Variants in CRACD observed in about 807,000 individuals in gnomAD.
CRACD encodes the protein capping protein-inhibiting regulator of actin dynamics.
Under a neutral mutation model 106.8 loss-of-function variants are expected in CRACD, and 56 were observed. That is an observed-to-expected ratio of 0.52 (90% CI 0.42 to 0.66). The LOEUF is 0.66. Ranked by LOEUF, CRACD falls within the 30% of genes least tolerant of loss-of-function variation. CRACD has a pLI of 0.00. For missense variants in CRACD, 1,730 were observed against 1,623.2 expected, an observed-to-expected ratio of 1.07 and a Z score of -1.13; for synonymous variants, 754 against 670.8, an observed-to-expected ratio of 1.12 and a Z score of -1.92.
At chr4:56,057,836 T>TTTTTTTTTTTTTTTTA (rs1732138160) in intron 1 of CRACD, among the ~76,000 whole-genome samples, 1 of 64,468 alleles carries the variant, frequency 1.6e-5, no homozygotes, top group African/African-American at 1.3e-4. Flanking sequence ...TTTTTTTTTT[T>TTTTTTTTTTTTTTTTA]GAGACGGAGT....
Position 56,117,178 on chromosome 4 carries a change from G to A in CRACD, c.-335-62106G>A, listed in dbSNP as rs543402722. ...TGGGACTACAGGTGCCCGCCACCAC[G>A]CCTGGCTAATTTTTTTGTATTTTTA... On this transcript the variant is annotated intron_variant, in intron 1 of 10. Transcript: ENST00000682029. 1.4e-3 allele frequency among the ~76,000 whole-genome samples: 213 copies of A among 151,896 alleles called. 5 individuals are homozygous for A. The highest frequency in any genetic ancestry group is 0.013 in the East Asian group (67 of 5,164).
At chr4:56,159,912 G>A (rs1191542037) in intron 1 of CRACD, among the ~76,000 whole-genome samples, 1 of 151,596 alleles carries the variant, frequency 6.6e-6, no homozygotes, top group Admixed American at 6.6e-5. Flanking sequence ...CTCCTGAGTA[G>A]CTGGGATTAC....
chr4:56,255,995 G>A (rs529737580), intron 2 of CRACD, among the ~76,000 whole-genome samples: 1 of 152,292 alleles, frequency 6.6e-6, no homozygotes, highest in Non-Finnish European at 1.5e-5. Flanking sequence ...AAGGGTCCTG[G>A]CTGATAGGGA....
rs746510571 is a variant in CRACD, at chr4:56,328,387, G to A, written c.*583G>A. The A allele has an allele frequency of 9.6e-6, 5 of 518,766 alleles. No individual in the cohort carries two copies. The highest frequency in any genetic ancestry group is 5.8e-5 in the African/African-American group (3 of 51,956). The allele number at this position is 518,766 out of a possible 1,614,324, so 32.1% of individuals were successfully genotyped here. ...AGTTTTCATGAGTTTTCCCCACTCT[G>A]AAGCTGTAACCCAGAAGGCACATCC... On this transcript the variant is annotated 3_prime_UTR_variant, in exon 11 of 11. Coordinates refer to ENST00000682029, the MANE Select transcript of CRACD (RefSeq NM_001393381.1).
chr4:56,141,960 CTAGG>C (rs1735217371), intron 1 of CRACD, among the ~76,000 whole-genome samples: 1 of 152,042 alleles, frequency 6.6e-6, no homozygotes, highest in African/African-American at 2.4e-5. Flanking sequence ...TCCCAAAGTG[CTAGG>C]ATTATAGCCA....
intron 2 of CRACD, among the ~76,000 whole-genome samples, chr4:56,265,776 A>C (rs1408486752): frequency 1.3e-5 from 2 of 152,212 alleles, no homozygotes; most frequent in Non-Finnish European, 1.5e-5. Flanking sequence ...CTGGAGTAAG[A>C]CATTTATGAT....
At chr4:56,169,791 C>T (rs773233899) in intron 1 of CRACD, among the ~76,000 whole-genome samples, 2 of 152,056 alleles carry the variant, frequency 1.3e-5, no homozygotes, top group African/African-American at 2.4e-5. Flanking sequence ...ACGACTGGCC[C>T]GTTAAGAGTA....
At chr4:56,143,454 T>G (rs1303353576) in intron 1 of CRACD, among the ~76,000 whole-genome samples, 2 of 152,116 alleles carry the variant, frequency 1.3e-5, no homozygotes, top group Non-Finnish European at 1.5e-5. Context: ...TTGTTTTCCT[T>G]CTGTCGATTC....
At chr4:56,327,164 A>G (rs1156725317) in intron 10 of CRACD, among the ~76,000 whole-genome samples, 1 of 152,216 alleles carries the variant, frequency 6.6e-6, no homozygotes, top group Non-Finnish European at 1.5e-5. Flanking sequence ...AATTCTTTGA[A>G]ATTAGAACTG....
Position 56,298,229 on chromosome 4 carries a change from T to C in CRACD, c.-1T>C. The C allele has an allele frequency of 6.2e-7, 1 of 1,614,044 alleles. No individual in the cohort carries two copies. Among genetic ancestry groups the C allele is most frequent in the Non-Finnish European group, 8.5e-7 (1 of 1,179,966 alleles). On this transcript the variant is annotated 5_prime_UTR_variant, in exon 4 of 11. Transcript: ENST00000682029. ...TACCTTCCAGGTCCTTCAACTATTC[T>C]ATGGGAACCCGGGCATTTTCCCATG...
intron 2 of CRACD, among the ~76,000 whole-genome samples, chr4:56,258,527 G>C (rs1941764796): frequency 6.6e-6 from 1 of 152,174 alleles, no homozygotes; most frequent in South Asian, 2.1e-4. Flanking sequence ...CAGGCCTTGT[G>C]GGGAGTTCCC....
chr4:56,240,557 T>C (rs185427779), intron 2 of CRACD, among the ~76,000 whole-genome samples: 48 of 152,310 alleles, frequency 3.2e-4, no homozygotes, highest in Non-Finnish European at 6.2e-4. Flanking sequence ...CAGGCAACAG[T>C]GCAGTAGCGT....
At chr4:56,084,029 T>A (rs1733131814) in intron 1 of CRACD, among the ~76,000 whole-genome samples, 1 of 152,162 alleles carries the variant, frequency 6.6e-6, no homozygotes, top group African/African-American at 2.4e-5. Flanking sequence ...ACAAATGAAT[T>A]GATTCAACAG....
At chr4:56,062,993 A>G (rs1732333566) in intron 1 of CRACD, among the ~76,000 whole-genome samples, 1 of 152,164 alleles carries the variant, frequency 6.6e-6, no homozygotes, top group South Asian at 2.1e-4. Context: ...TTAAATTCTC[A>G]TCATAATTCC....
At position 56,328,359 on chromosome 4, in the gene CRACD, C is replaced by G. The variant is rs6834736; in HGVS notation, c.*555C>G. 288,265 of 517,996 alleles carry G rather than the reference C, an allele frequency of 0.56. 81,629 individuals are homozygous for G. Among genetic ancestry groups the G allele is most frequent in the Admixed American group, 0.67 (34,538 of 51,502 alleles). The allele number at this position is 517,996 out of a possible 1,614,324, so 32.1% of individuals were successfully genotyped here. On this transcript the variant is annotated 3_prime_UTR_variant, in exon 11 of 11. Coordinates refer to ENST00000682029, the MANE Select transcript of CRACD (RefSeq NM_001393381.1). ...CATTCTGGCACCCAACTGTGCCCAT[C>G]TTAGTTTTCATGAGTTTTCCCCACT...
At chr4:56,180,214 G>A (rs535128181) in intron 2 of CRACD, among the ~76,000 whole-genome samples, 7 of 151,966 alleles carry the variant, frequency 4.6e-5, no homozygotes, top group South Asian at 2.1e-4. Flanking sequence ...CATATCAGCC[G>A]GGCACGTTGG....
intron 3 of CRACD, among the ~76,000 whole-genome samples, chr4:56,275,101 C>A (rs144780616): frequency 6.6e-6 from 1 of 152,042 alleles, no homozygotes. Flanking sequence ...GACACAAAGA[C>A]GGTAACAACA....
intron 1 of CRACD, among the ~76,000 whole-genome samples, chr4:56,078,627 G>T (rs1732921100): frequency 1.3e-5 from 2 of 152,054 alleles, no homozygotes; most frequent in South Asian, 4.2e-4. Flanking sequence ...TGTTGCCCAG[G>T]CTGGTCTTGA....
intron 3 of CRACD, among the ~76,000 whole-genome samples, chr4:56,293,216 A>G (rs777850472): frequency 7.2e-5 from 11 of 152,210 alleles, no homozygotes; most frequent in Non-Finnish European, 1.3e-4. Flanking sequence ...TGTGGCTTGT[A>G]GTTAAAAGGG....
Sources: allele counts gnomAD v4.1 joint callset (sites outside exome capture counted in the v4.1 genomes callset), GRCh38; gene constraint gnomAD v4.1.1; transcripts MANE v1.5; gene names NCBI Gene and HGNC (gene_info 2026-07-23, HGNC 2026-07-21).